Variants in LHFPL6 observed in about 807,000 individuals in gnomAD.
The protein encoded by LHFPL6 is LHFPL tetraspan subfamily member 6.
In LHFPL6, 9 loss-of-function variants were observed where a neutral mutation model predicts 20.6. The ratio of observed to expected loss-of-function variants is 0.44; its 90% CI spans 0.26 to 0.76. The LOEUF (loss-of-function observed/expected upper bound fraction) is 0.76. Among genes scored for constraint, LHFPL6 ranks in the 30% least tolerant of loss-of-function variants. The probability of loss-of-function intolerance (pLI) is 0.20; values close to 1 mark genes in which losing one functional copy is unlikely to be tolerated. For missense variants in LHFPL6, 218 were observed against 253.5 expected (o/e 0.86, Z 0.95); for synonymous variants, 105 against 98.7 (o/e 1.06, Z -0.38).
At chr13:39,551,406 C>A (rs73466876) in intron 2 of LHFPL6, among the ~76,000 whole-genome samples, 2,637 of 151,612 alleles carry the variant, frequency 0.017, 87 homozygotes, top group African/African-American at 0.062. Context: ...CTCTACTCTC[C>A]TGACCCAATT....
At chr13:39,372,915 G>T (rs1375555709) in intron 3 of LHFPL6, among the ~76,000 whole-genome samples, 1 of 152,090 alleles carries the variant, frequency 6.6e-6, no homozygotes, top group African/African-American at 2.4e-5. Context: ...GTCCAAACAG[G>T]GAAGCAGTAC....
chr13:39,517,154 G>T (rs559138454), intron 2 of LHFPL6, among the ~76,000 whole-genome samples: 2 of 152,158 alleles, frequency 1.3e-5, no homozygotes, highest in Non-Finnish European at 2.9e-5. Context: ...ACTGTGGACC[G>T]TAGGGGGGTA....
At chr13:39,452,105 TAA>T (rs34479336) in intron 2 of LHFPL6, among the ~76,000 whole-genome samples, 2 of 147,680 alleles carry the variant, frequency 1.4e-5, no homozygotes, top group Non-Finnish European at 1.5e-5. Flanking sequence ...ACATCAAGGT[TAA>T]AAAAAAAAAG....
At chr13:39,439,804 C>T (rs1364313617) in intron 2 of LHFPL6, among the ~76,000 whole-genome samples, 2 of 152,138 alleles carry the variant, frequency 1.3e-5, no homozygotes, top group East Asian at 3.9e-4. Context: ...CCTCACTCCC[C>T]CTTTGCCTTC....
chr13:39,556,906 G>A (rs558768658), intron 2 of LHFPL6, among the ~76,000 whole-genome samples: 4 of 150,910 alleles, frequency 2.7e-5, no homozygotes, highest in Admixed American at 2.0e-4. Flanking sequence ...AAGCTGCAGT[G>A]AGCCATGATC....
rs375836728 is a variant in LHFPL6, at chr13:39,385,161, A to G, written c.386-6635T>C. On this transcript the variant is annotated intron_variant, in intron 2 of 3. Coordinates refer to ENST00000379589, the MANE Select transcript of LHFPL6 (RefSeq NM_005780.3). ...AATCTAGAGGCAAAAGGCCATGGGG[A>G]AGATTGTTTTTAAAGAGGTTTTAGG... 3.9e-5 allele frequency among the ~76,000 whole-genome samples: 6 copies of G among 152,382 alleles called. No homozygotes were observed. In the East Asian group the frequency reaches 9.6e-4, roughly 24 times the overall value.
chr13:39,469,448 C>A (rs1412367100), intron 2 of LHFPL6, among the ~76,000 whole-genome samples: 1 of 152,208 alleles, frequency 6.6e-6, no homozygotes. Context: ...ATTACACTCA[C>A]ATCCACTGTG....
At chr13:39,470,372 A>AT (rs889297096) in intron 2 of LHFPL6, among the ~76,000 whole-genome samples, 1 of 151,784 alleles carries the variant, frequency 6.6e-6, no homozygotes, top group Non-Finnish European at 1.5e-5. Flanking sequence ...TTCTTGGTTC[A>AT]TTTTTTTTCA....
intron 2 of LHFPL6, among the ~76,000 whole-genome samples, chr13:39,529,158 C>T (rs1047322452): frequency 6.6e-6 from 1 of 151,982 alleles, no homozygotes; most frequent in East Asian, 1.9e-4. Context: ...GTGGCATGAT[C>T]TTGGCTCACT....
At chr13:39,407,752 AC>A (rs1871149436) in intron 2 of LHFPL6, among the ~76,000 whole-genome samples, 1 of 152,240 alleles carries the variant, frequency 6.6e-6, no homozygotes, top group Admixed American at 6.5e-5. Context: ...CAGAACATAT[AC>A]CTTTGCACAT....
intron 1 of LHFPL6, among the ~76,000 whole-genome samples, 189 bp downstream of exon 1, chr13:39,602,694 A>G (rs1283791274): frequency 6.6e-6 from 1 of 152,158 alleles, no homozygotes; most frequent in Non-Finnish European, 1.5e-5. Flanking sequence ...GGGGATAAGG[A>G]TGGGAAGGCA....
chr13:39,478,472 C>G (rs560004794), intron 2 of LHFPL6, among the ~76,000 whole-genome samples: 1 of 152,234 alleles, frequency 6.6e-6, no homozygotes, highest in Non-Finnish European at 1.5e-5. Flanking sequence ...GATATAGTGT[C>G]TCTCTTAAAT....
At chr13:39,497,974 C>T (rs1869155903) in intron 2 of LHFPL6, among the ~76,000 whole-genome samples, 1 of 152,182 alleles carries the variant, frequency 6.6e-6, no homozygotes, top group Non-Finnish European at 1.5e-5. Context: ...TAAAGCTTTG[C>T]TCTTCTTAGC....
At chr13:39,374,397 G>C (rs984881438) in intron 3 of LHFPL6, among the ~76,000 whole-genome samples, 20 of 152,044 alleles carry the variant, frequency 1.3e-4, no homozygotes, top group Non-Finnish European at 1.2e-4. Flanking sequence ...AGGGACGGAG[G>C]GGGCAAGGGT....
rs200758245 is a variant in LHFPL6 at position 39,421,101 on chromosome 13, C to CA, written c.386-42576dup. On this transcript the variant is annotated intron_variant, in intron 2 of 3. Transcript: ENST00000379589. ...ATATCTGTCTATCAGATAACAACAA[C>CA]AACAAAAAAAACTAAATCACAAGTG... 2.9e-3 allele frequency among the ~76,000 whole-genome samples: 60 copies of CA among 20,626 alleles called. No individual in the cohort carries two copies. The Non-Finnish European group carries it at 0.11, about 37-fold the overall frequency. The allele number at this position is 20,626 out of a possible 152,430, so 13.5% of individuals were successfully genotyped here. A position where few individuals can be genotyped will look rare whatever the true frequency, so the allele number is the denominator to read the frequency against.
intron 2 of LHFPL6, among the ~76,000 whole-genome samples, chr13:39,407,231 C>A (rs1461589317): frequency 6.6e-6 from 1 of 152,114 alleles, no homozygotes; most frequent in Non-Finnish European, 1.5e-5. Flanking sequence ...TCTGTACTGA[C>A]CAAGTAATTA....
At chr13:39,503,629 G>C (rs982079201) in intron 2 of LHFPL6, among the ~76,000 whole-genome samples, 1 of 152,242 alleles carries the variant, frequency 6.6e-6, no homozygotes, top group South Asian at 2.1e-4. Context: ...AACAGTGCTT[G>C]GTATGCAGTA....
At chr13:39,491,971 T>C (rs1868940763) in intron 2 of LHFPL6, among the ~76,000 whole-genome samples, 1 of 152,242 alleles carries the variant, frequency 6.6e-6, no homozygotes, top group Non-Finnish European at 1.5e-5. Flanking sequence ...TTACTTTTGA[T>C]AGTTTCTCAA....
chr13:39,478,545 G>A (rs183121446), intron 2 of LHFPL6, among the ~76,000 whole-genome samples: 1 of 152,266 alleles, frequency 6.6e-6, no homozygotes, highest in East Asian at 1.9e-4. Context: ...CCCAGGAAGT[G>A]CGCAGATAAA....
Sources: gnomAD v4.1 joint callset for allele counts (sites outside exome capture counted in the v4.1 genomes callset) on GRCh38, gnomAD v4.1.1 for gene constraint, MANE v1.5 for transcripts, NCBI Gene and HGNC (gene_info 2026-07-23, HGNC 2026-07-21) for gene names.